The following PTPN22 variants were observed in gnomAD, a reference collection of about 807,000 sequenced individuals.
PTPN22 encodes protein tyrosine phosphatase non-receptor type 22.
In PTPN22, 85 loss-of-function variants were observed where a neutral mutation model predicts 103.3. The ratio of observed to expected loss-of-function variants is 0.82; its 90% CI spans 0.69 to 0.99. PTPN22 has a LOEUF of 0.99. PTPN22 is among the 50% of genes least tolerant of loss of function. The probability of loss-of-function intolerance (pLI) is 0.00; values close to 1 mark genes in which losing one functional copy is unlikely to be tolerated. For synonymous variants in PTPN22, 323 were observed against 310.2 expected (o/e 1.04, Z -0.43); for missense variants, 865 against 936.9 (o/e 0.92, Z 1.00).
chr1:113,855,179 C>A, intron 7 of PTPN22, 130 bp from the exon 8 acceptor site: 1 of 735,984 alleles, frequency 1.4e-6, no homozygotes, highest in South Asian at 1.9e-5. Context: ...CACATTTACG[C>A]CCTTGTGTCT....
At chr1:113,863,151 G>A (rs1055021761) in intron 1 of PTPN22, among the ~76,000 whole-genome samples, 3 of 152,180 alleles carry the variant, frequency 2.0e-5, no homozygotes, top group Non-Finnish European at 4.4e-5. Flanking sequence ...AGAGTTCAGT[G>A]GCGCAATCTT....
chr1:113,852,426 A>G (rs1664649645), intron 9 of PTPN22, among the ~76,000 whole-genome samples: 1 of 152,226 alleles, frequency 6.6e-6, no homozygotes, highest in South Asian at 2.1e-4. Context: ...AGAGGTTGGT[A>G]GGTAGGTCTA....
At chr1:113,859,177 C>A (rs1378971207) in intron 2 of PTPN22, 99 bp from the exon 3 acceptor site, 2 of 1,563,644 alleles carry the variant, frequency 1.3e-6, no homozygotes, top group East Asian at 2.3e-5. Flanking sequence ...CATGAGTGAA[C>A]AAGTGAGTGA....
chr1:113,860,521 A>G (rs1350430472), intron 1 of PTPN22, among the ~76,000 whole-genome samples: 2 of 152,166 alleles, frequency 1.3e-5, no homozygotes, highest in Non-Finnish European at 2.9e-5. Flanking sequence ...CTGAACTGAT[A>G]TCTTTTTGTT....
chr1:113,837,630 G>C, exon 13 of PTPN22: 2 of 1,599,820 alleles, frequency 1.3e-6, no homozygotes, highest in Middle Eastern at 3.3e-4. Flanking sequence ...AGGAAATATT[G>C]GTTGGAGAAT....
At chr1:113,845,243 C>T (rs2102018599) in intron 11 of PTPN22, among the ~76,000 whole-genome samples, 1 of 148,652 alleles carries the variant, frequency 6.7e-6, no homozygotes, top group African/African-American at 2.5e-5. Context: ...GTTGGCCAGG[C>T]TGGAGTGCAG....
chr1:113,815,100 C>G lies in PTPN22; in HGVS notation c.2360-131G>C, dbSNP rs1661050272. 6.2e-6 allele frequency: 4 copies of G among 646,664 alleles called. No homozygotes were observed. The South Asian group carries it at 8.2e-5, about 13-fold the overall frequency. 40.1% of individuals were successfully genotyped at this position (646,664 alleles called of 1,614,324 possible). On this transcript the variant is annotated intron_variant, in intron 20 of 20. Transcript: ENST00000359785. ...TTTAAATGTTAGGCAGCATCTTGAC[C>G]AGTTTAGTAATAGATTATAAAGGGA...
At position 113,842,051 on chromosome 1, in the gene PTPN22, TA is replaced by T. The variant is rs1376200516; in HGVS notation, c.916-3432del. Among the ~76,000 whole-genome samples, 15 of 150,922 alleles carry T rather than the reference TA, an allele frequency of 9.9e-5. No homozygotes were observed. The South Asian group carries it at 2.5e-3, about 25-fold the overall frequency. On this transcript the variant is annotated intron_variant, in intron 11 of 20. Transcript: ENST00000359785. ...GAGACCCTGTCTCTAAAAAAAAAAT[TA>T]AAAAAAAATTAGCTTGGTGTGGTAG...
chr1:113,814,994 G>T, intron 20 of PTPN22, 25 bp from the exon 21 acceptor site: 1 of 1,550,488 alleles, frequency 6.4e-7, no homozygotes, highest in Non-Finnish European at 8.9e-7. Flanking sequence ...AAAGTTGAAT[G>T]AAAAGAAAGA....
intron 1 of PTPN22, chr1:113,864,474 T>C (rs1665937813): frequency 3.3e-6 from 1 of 303,074 alleles, no homozygotes; most frequent in Non-Finnish European, 6.5e-6. Flanking sequence ...ATCTAAAGAA[T>C]TATTAGTCGG....
intron 1 of PTPN22, among the ~76,000 whole-genome samples, chr1:113,868,458 T>A (rs1571489740): frequency 6.6e-6 from 1 of 152,148 alleles, no homozygotes; most frequent in African/African-American, 2.4e-5. Flanking sequence ...TTAGTGGCAG[T>A]ATTTACCTTG....
chr1:113,856,643 T>A, intron 5 of PTPN22, 24 bp from the exon 6 acceptor site: 1 of 1,614,104 alleles, frequency 6.2e-7, no homozygotes, highest in Non-Finnish European at 8.5e-7. Flanking sequence ...CAGAATACAG[T>A]GATTTCCCTC....
rs1665377532 is a variant in PTPN22, at chr1:113,859,449, C to A, written c.99G>T (p.Arg33Ser). 5.0e-6 allele frequency: 8 copies of A among 1,611,998 alleles called. No homozygotes were observed. The highest frequency in any genetic ancestry group is 2.7e-5 in the African/African-American group (2 of 74,964). Residue 33 changes from arginine to serine, a missense_variant, in exon 2 of 21, where the codon AGG becomes AGT. Coordinates refer to ENST00000359785, the Ensembl canonical transcript of PTPN22. Reference sequence around the variant, plus strand: ...TGTCTGCCTTGTACTTGGTAGATTGCCTTTTCAGCTTCTGTAATAAGATTC... The same window carrying A: ...TGTCTGCCTTGTACTTGGTAGATTGACTTTTCAGCTTCTGTAATAAGATTC...
At chr1:113,819,091 G>A (rs1661382599) in intron 20 of PTPN22, among the ~76,000 whole-genome samples, 1 of 152,164 alleles carries the variant, frequency 6.6e-6, no homozygotes, top group African/African-American at 2.4e-5. Context: ...AGAATGCTTA[G>A]AAGAATATAA....
At chr1:113,816,838 G>A (rs1456995207) in intron 20 of PTPN22, among the ~76,000 whole-genome samples, 3 of 152,178 alleles carry the variant, frequency 2.0e-5, no homozygotes, top group African/African-American at 7.2e-5. Context: ...GAACCCAGGA[G>A]GCTGAGGTTA....
exon 21 of PTPN22, chr1:113,814,852 G>T: frequency 2.3e-6 from 3 of 1,319,588 alleles, no homozygotes; most frequent in Non-Finnish European, 3.3e-6. Context: ...TATTCTAGTA[G>T]TTTTATTTGC....
intron 11 of PTPN22, among the ~76,000 whole-genome samples, chr1:113,845,006 C>T (rs139708720): frequency 8.6e-5 from 13 of 151,858 alleles, no homozygotes; most frequent in African/African-American, 1.2e-4. Context: ...TTTGTAGAGA[C>T]GGGGGTCCCC....
At chr1:113,856,675 C>G (rs1665107096) in intron 5 of PTPN22, 56 bp from the exon 6 acceptor site, 2 of 1,611,050 alleles carry the variant, frequency 1.2e-6, no homozygotes, top group Admixed American at 3.4e-5. Context: ...GTCTTTTCCA[C>G]TCTCTCATTT....
At chr1:113,849,574 C>CTTTA (rs941203192) in intron 10 of PTPN22, among the ~76,000 whole-genome samples, 26 of 130,252 alleles carry the variant, frequency 2.0e-4, no homozygotes, top group East Asian at 8.1e-4. Context: ...TTAGTATGCT[C>CTTTA]TTTATTTATT....
Sources: allele counts gnomAD v4.1 joint callset (sites outside exome capture counted in the v4.1 genomes callset), GRCh38; gene constraint gnomAD v4.1.1; transcripts MANE v1.5; gene names NCBI Gene and HGNC (gene_info 2026-07-23, HGNC 2026-07-21).